Variants in ACOT13 observed in about 807,000 individuals in gnomAD.
ACOT13 encodes acyl-coenzyme A thioesterase 13.
A neutral mutation model predicts 11.8 loss-of-function variants in ACOT13; 10 were observed. The ratio of observed to expected loss-of-function variants is 0.85; its 90% CI spans 0.53 to 1.44. The LOEUF (loss-of-function observed/expected upper bound fraction) is 1.44, where lower values mean the gene tolerates loss of function less well. Ranked by LOEUF, ACOT13 falls within the 40% of genes most tolerant of loss-of-function variation. ACOT13 has a pLI of 0.00. For synonymous variants in ACOT13, 53 were observed against 61.0 expected (o/e 0.87, Z 0.61); for missense variants, 172 against 174.1 (o/e 0.99, Z 0.07).
intron 1 of ACOT13, among the ~76,000 whole-genome samples, chr6:24,693,425 T>A (rs1778746575): frequency 6.6e-6 from 1 of 152,208 alleles, no homozygotes; most frequent in Non-Finnish European, 1.5e-5. Context: ...CAGCAGCAGT[T>A]ACAGTGATGG....
At chr6:24,674,342 C>T (rs951254419) in intron 1 of ACOT13, among the ~76,000 whole-genome samples, 9 of 152,040 alleles carry the variant, frequency 5.9e-5, no homozygotes, top group Non-Finnish European at 5.9e-5. Context: ...AGGCATGAGC[C>T]GCTGCCCCTG....
chr6:24,689,070 G>C (rs1582442073), intron 1 of ACOT13, among the ~76,000 whole-genome samples: 1 of 152,106 alleles, frequency 6.6e-6, no homozygotes, highest in Non-Finnish European at 1.5e-5. Flanking sequence ...AAGGTAATAT[G>C]CATCTTTGAA....
chr6:24,692,016 C>A lies in ACOT13; in HGVS notation c.82-5867C>A, dbSNP rs141049047. On this transcript the variant is annotated intron_variant, in intron 1 of 2. Coordinates refer to ENST00000230048, the MANE Select transcript of ACOT13 (RefSeq NM_018473.4). ...CTAAACATGGGGATGGTGGCAAGGG[C>A]AGAAATAGGGAGATAAATTGGAAGT... Among the ~76,000 whole-genome samples the A allele has an allele frequency of 7.1e-3, 1,077 of 152,208 alleles. 3 individuals are homozygous for A. The highest frequency in any genetic ancestry group is 0.01 in the Admixed American group (158 of 15,290).
rs780641771 is a variant in ACOT13 at position 24,697,909 on chromosome 6, G to A, written c.108G>A (p.Gly36=). 23 of 1,610,496 alleles carry A rather than the reference G, an allele frequency of 1.4e-5. No individual in the cohort carries two copies. Among genetic ancestry groups the A allele is most frequent in the Non-Finnish European group, 2.0e-5 (23 of 1,178,590 alleles). ...GKITLVSAAP[G]KVICEMKVEE... ...TTACTCTTGTCTCTGCTGCTCCTGG[G>A]AAAGTGATTTGTGAAATGAAAGTAG... is the stretch of plus-strand genomic sequence containing the variant. Residue 36 remains glycine (G), a synonymous_variant, in exon 2 of 3, where the codon GGG becomes GGA. Coordinates refer to ENST00000230048, the MANE Select transcript of ACOT13 (RefSeq NM_018473.4).
chr6:24,667,861 A>G (rs1193119078), intron 1 of ACOT13, among the ~76,000 whole-genome samples: 2 of 152,178 alleles, frequency 1.3e-5, no homozygotes, highest in African/African-American at 4.8e-5. Context: ...AGGAAGACTG[A>G]GTGCTTTTCT....
At chr6:24,694,952 G>C (rs1314790528) in intron 1 of ACOT13, among the ~76,000 whole-genome samples, 1 of 152,144 alleles carries the variant, frequency 6.6e-6, no homozygotes, top group Non-Finnish European at 1.5e-5. Flanking sequence ...TGTCATCCCA[G>C]CCAAAGTTAG....
At chr6:24,688,091 A>G (rs1418024852) in intron 1 of ACOT13, among the ~76,000 whole-genome samples, 1 of 152,322 alleles carries the variant, frequency 6.6e-6, no homozygotes, top group Middle Eastern at 3.4e-3. Context: ...AGTGATATTC[A>G]AAATTGATCA....
intron 1 of ACOT13, among the ~76,000 whole-genome samples, chr6:24,689,671 G>T (rs976957484): frequency 2.0e-5 from 3 of 152,086 alleles, no homozygotes; most frequent in Non-Finnish European, 4.4e-5. Context: ...CACCGAAAGA[G>T]TAGTAGGTAG....
At chr6:24,697,058 G>A (rs1778807472) in intron 1 of ACOT13, among the ~76,000 whole-genome samples, 1 of 152,234 alleles carries the variant, frequency 6.6e-6, no homozygotes, top group South Asian at 2.1e-4. Flanking sequence ...ACAGGCGTGA[G>A]CCACCGTGCC....
intron 1 of ACOT13, among the ~76,000 whole-genome samples, chr6:24,692,647 G>C (rs1353488548): frequency 6.6e-6 from 1 of 152,078 alleles, no homozygotes; most frequent in African/African-American, 2.4e-5. Context: ...TCAAACTCCT[G>C]GGCTCAAGCA....
chr6:24,672,030 G>A (rs1196098293), intron 1 of ACOT13, among the ~76,000 whole-genome samples: 3 of 152,112 alleles, frequency 2.0e-5, no homozygotes, highest in South Asian at 4.1e-4. Context: ...TTGGACTTCA[G>A]GGAATCTAAT....
chr6:24,676,846 GTAA>G (rs946227960), intron 1 of ACOT13, among the ~76,000 whole-genome samples: 12 of 152,152 alleles, frequency 7.9e-5, no homozygotes, highest in African/African-American at 2.9e-4. Flanking sequence ...ACAGCCAATA[GTAA>G]TCTCCTAATG....
At chr6:24,690,617 T>C (rs766013798) in intron 1 of ACOT13, among the ~76,000 whole-genome samples, 28 of 152,382 alleles carry the variant, frequency 1.8e-4, no homozygotes, top group Non-Finnish European at 3.4e-4. Context: ...CCACCACCAC[T>C]ATCTCAGTGA....
At chr6:24,687,591 G>T in intron 1 of ACOT13, 1 of 1,457,656 alleles carries the variant, frequency 6.9e-7, no homozygotes, top group Non-Finnish European at 9.1e-7. Flanking sequence ...GTCAAGAGGA[G>T]GAACACACTG....
In ACOT13 at chr6:24,667,133, C is replaced by T. The variant is rs747233710; in HGVS notation, c.-131C>T. On this transcript the variant is annotated 5_prime_UTR_variant, in exon 1 of 3. Transcript: ENST00000230048. ...AGCTCGCCTGACTCCCGGCCTCTTG[C>T]GCTCCTAGGGGCGGAGAAGGGTGCG... The T allele has an allele frequency of 1.4e-5, 14 of 990,112 alleles. No homozygotes were observed. The highest frequency in any genetic ancestry group is 1.0e-5 in the Non-Finnish European group (7 of 672,664). The allele number at this position is 990,112 out of a possible 1,614,324, so 61.3% of individuals were successfully genotyped here. A position where few individuals can be genotyped will look rare whatever the true frequency, so the allele number is the denominator to read the frequency against.
At chr6:24,675,048 A>G (rs987757385) in intron 1 of ACOT13, among the ~76,000 whole-genome samples, 2 of 152,124 alleles carry the variant, frequency 1.3e-5, no homozygotes, top group Non-Finnish European at 2.9e-5. Context: ...GTGTCCCTAC[A>G]AAGGACATGA....
intron 1 of ACOT13, among the ~76,000 whole-genome samples, chr6:24,668,970 T>C (rs902922441): frequency 6.6e-6 from 1 of 152,218 alleles, no homozygotes; most frequent in African/African-American, 2.4e-5. Context: ...GGTTTTACTT[T>C]CAATTTAGTT....
At chr6:24,697,831 G>C in intron 1 of ACOT13, 52 bp from the exon 2 acceptor site, 1 of 1,441,464 alleles carries the variant, frequency 6.9e-7, no homozygotes, top group South Asian at 1.5e-5. Context: ...GGCTTTTTTG[G>C]CTTTTCTAAT....
chr6:24,671,860 C>T (rs1033809109), intron 1 of ACOT13, among the ~76,000 whole-genome samples: 8 of 152,144 alleles, frequency 5.3e-5, no homozygotes, highest in South Asian at 2.1e-4. Context: ...TGATAATGTA[C>T]ACTAGGTCAT....
Sources: gnomAD v4.1 joint callset for allele counts (sites outside exome capture counted in the v4.1 genomes callset) on GRCh38, gnomAD v4.1.1 for gene constraint, MANE v1.5 for transcripts, NCBI Gene and HGNC (gene_info 2026-07-23, HGNC 2026-07-21) for gene names.